The following CAST variants were observed in gnomAD, a reference collection of about 807,000 sequenced individuals.
CAST encodes MIR583 host.
Under a neutral mutation model 119.6 loss-of-function variants are expected in CAST, and 76 were observed. The ratio of observed to expected loss-of-function variants is 0.64; its 90% CI spans 0.53 to 0.77. The LOEUF (loss-of-function observed/expected upper bound fraction) is 0.77, where lower values mean the gene tolerates loss of function less well. Among genes scored for constraint, CAST ranks in the 30% least tolerant of loss-of-function variants. The pLI is 0.00. For missense variants in CAST, 953 were observed against 946.5 expected, an observed-to-expected ratio of 1.01 and a Z score of -0.09; for synonymous variants, 319 against 331.6, an observed-to-expected ratio of 0.96 and a Z score of 0.41.
the CAST span, among the ~76,000 whole-genome samples, chr5:96,519,285 A>C: frequency 3.3e-5 from 5 of 152,188 alleles, no homozygotes; most frequent in Non-Finnish European, 7.3e-5. Flanking sequence ...AACAGGACCA[A>C]GTTATTATGA....
intron 1 of CAST, among the ~76,000 whole-genome samples, chr5:96,611,532 T>C (rs1747362033): frequency 6.6e-6 from 1 of 151,238 alleles, no homozygotes; most frequent in African/African-American, 2.4e-5. Flanking sequence ...AAAAAATGTC[T>C]TCTGGATATG....
the CAST span, among the ~76,000 whole-genome samples, chr5:96,049,018 G>A: frequency 6.6e-6 from 1 of 152,174 alleles, no homozygotes; most frequent in Non-Finnish European, 1.5e-5. Context: ...GAGGAAACAC[G>A]CTGAGCTGAC....
intron 1 of CAST, among the ~76,000 whole-genome samples, chr5:96,586,234 AG>A (rs1399321768): frequency 6.6e-6 from 1 of 152,246 alleles, no homozygotes; most frequent in Non-Finnish European, 1.5e-5. Flanking sequence ...GTGAAAAGTT[AG>A]TAACTACTTG....
At chr5:96,416,385 T>C in the CAST span, among the ~76,000 whole-genome samples, 2 of 152,242 alleles carry the variant, frequency 1.3e-5, no homozygotes, top group African/African-American at 4.8e-5. Context: ...CTGCAAAGGC[T>C]TGGTCACATG....
chr5:96,434,625 G>T, the CAST span, among the ~76,000 whole-genome samples: 28 of 149,346 alleles, frequency 1.9e-4, no homozygotes, highest in African/African-American at 5.2e-4. Context: ...TTTTGTTGTT[G>T]TTGTTGTTGT....
At chr5:96,381,185 A>G in the CAST span, among the ~76,000 whole-genome samples, 1 of 152,174 alleles carries the variant, frequency 6.6e-6, no homozygotes, top group Non-Finnish European at 1.5e-5. Flanking sequence ...AATATAAAAC[A>G]ATGCAATTCT....
At chr5:96,227,144 T>G in the CAST span, among the ~76,000 whole-genome samples, 1 of 152,142 alleles carries the variant, frequency 6.6e-6, no homozygotes, top group Admixed American at 6.5e-5. Flanking sequence ...GGAGGGTGCT[T>G]TTAATAATAA....
At chr5:96,326,695 A>ATTTTTTTTTTTTTTTTTTTTTT in the CAST span, among the ~76,000 whole-genome samples, 12 of 95,734 alleles carry the variant, frequency 1.3e-4, no homozygotes, top group Non-Finnish European at 1.4e-4. Context: ...ATGGCTTTTC[A>ATTTTTTTTTTTTTTTTTTTTTT]TTTTTTTTTT....
intron 25 of CAST, among the ~76,000 whole-genome samples, chr5:96,764,765 A>G (rs1439582803): frequency 6.6e-6 from 1 of 152,192 alleles, no homozygotes; most frequent in Non-Finnish European, 1.5e-5. Context: ...ATAGTTGCAG[A>G]ATCTTGCTTC....
chr5:96,718,934 C>T (rs188390375), intron 3 of CAST, among the ~76,000 whole-genome samples: 226 of 152,172 alleles, frequency 1.5e-3, no homozygotes, highest in African/African-American at 5.3e-3. Flanking sequence ...AAGCCAGCTG[C>T]GGTCAAGGGG....
the CAST span, among the ~76,000 whole-genome samples, chr5:96,205,750 C>A: frequency 6.6e-6 from 1 of 152,046 alleles, no homozygotes; most frequent in Non-Finnish European, 1.5e-5. Context: ...CAGGTCTTTG[C>A]TATTCTGAAT....
At chr5:96,108,584 C>G in the CAST span, among the ~76,000 whole-genome samples, 1 of 152,216 alleles carries the variant, frequency 6.6e-6, no homozygotes, top group African/African-American at 2.4e-5. Flanking sequence ...TGCCTGTTCT[C>G]AGATCTCCAG....
At chr5:96,398,987 A>C in the CAST span, 3 of 1,612,866 alleles carry the variant, frequency 1.9e-6, no homozygotes. Flanking sequence ...TGTCCTTCAC[A>C]AGCTCTTGTT....
At position 96,541,517 on chromosome 5, in the gene CAST, A is replaced by G. The variant is rs571423173; in HGVS notation, c.60+11637A>G. ...ATGAAGGTTTGTTCTTTATGTTGTAAAGCTCTACAGGTTTTGACAAACACA... is the reference window on the plus strand; with the variant it reads ...ATGAAGGTTTGTTCTTTATGTTGTAGAGCTCTACAGGTTTTGACAAACACA... On this transcript the variant is annotated intron_variant, in intron 1 of 11. Transcript: ENST00000505143. 3.9e-5 allele frequency among the ~76,000 whole-genome samples: 6 copies of G among 152,254 alleles called. No individual in the cohort carries two copies. The South Asian group carries it at 1.2e-3, about 32-fold the overall frequency.
chr5:96,213,474 A>G, the CAST span: 1 of 152,162 alleles, frequency 6.6e-6, no homozygotes, highest in Non-Finnish European at 1.5e-5. Context: ...TAAAGATACT[A>G]AAGAGTATCT....
the CAST span, among the ~76,000 whole-genome samples, chr5:95,984,385 A>T: frequency 1.3e-5 from 2 of 152,134 alleles, no homozygotes; most frequent in Non-Finnish European, 2.9e-5. Context: ...AAAGCAGATG[A>T]TACTTTTCAA....
chr5:95,999,334 G>A, the CAST span, among the ~76,000 whole-genome samples: 1 of 151,860 alleles, frequency 6.6e-6, no homozygotes, highest in African/African-American at 2.4e-5. Flanking sequence ...GTATGGATAC[G>A]CCATATTCAG....
chr5:96,608,301 T>G (rs1484026143), intron 1 of CAST, among the ~76,000 whole-genome samples: 1 of 152,240 alleles, frequency 6.6e-6, no homozygotes, highest in Non-Finnish European at 1.5e-5. Flanking sequence ...CCACCCCTGC[T>G]ACTAACTAGC....
At chr5:96,201,552 A>G in the CAST span, among the ~76,000 whole-genome samples, 1 of 152,102 alleles carries the variant, frequency 6.6e-6, no homozygotes, top group African/African-American at 2.4e-5. Flanking sequence ...ATTGGTTGGT[A>G]AATGCCACAG....
Sources: allele counts gnomAD v4.1 joint callset (sites outside exome capture counted in the v4.1 genomes callset), GRCh38; gene constraint gnomAD v4.1.1; transcripts MANE v1.5; gene names NCBI Gene and HGNC (gene_info 2026-07-23, HGNC 2026-07-21).